Variants in MARCHF1 observed in about 807,000 individuals in gnomAD.
MARCHF1 encodes the protein E3 ubiquitin-protein ligase MARCHF1.
A neutral mutation model predicts 54.2 loss-of-function variants in MARCHF1; 40 were observed. The observed-to-expected ratio is 0.74, with a 90% CI of 0.57 to 0.96. The LOEUF (loss-of-function observed/expected upper bound fraction) is 0.96. Among genes scored for constraint, MARCHF1 ranks in the 40% least tolerant of loss-of-function variants. The probability of loss-of-function intolerance (pLI) is 0.00; values close to 1 mark genes in which losing one functional copy is unlikely to be tolerated. For missense variants in MARCHF1, 586 were observed against 656.5 expected (o/e 0.89, Z 1.17); for synonymous variants, 236 against 236.3 (o/e 1.00, Z 0.01).
intron 2 of MARCHF1, among the ~76,000 whole-genome samples, chr4:164,100,904 C>T (rs1007160645): frequency 9.2e-5 from 14 of 152,230 alleles, no homozygotes; most frequent in East Asian, 1.9e-4. Flanking sequence ...AGTGGGTGCG[C>T]GCACAGTGCG....
At chr4:163,949,463 C>T (rs963427011) in intron 3 of MARCHF1, among the ~76,000 whole-genome samples, 2 of 152,196 alleles carry the variant, frequency 1.3e-5, no homozygotes, top group Admixed American at 6.5e-5. Flanking sequence ...TTCTCGTCAT[C>T]CACAATGTGG....
intron 1 of MARCHF1, among the ~76,000 whole-genome samples, chr4:164,121,689 C>T (rs1350545019): frequency 6.6e-6 from 1 of 151,950 alleles, no homozygotes; most frequent in Non-Finnish European, 1.5e-5. Flanking sequence ...GTAACAAGAT[C>T]AAAACTCTAG....
chr4:164,243,157 A>G (rs1253015694), intron 1 of MARCHF1, among the ~76,000 whole-genome samples: 1 of 130,562 alleles, frequency 7.7e-6, no homozygotes, highest in Non-Finnish European at 1.6e-5. Context: ...GAGAAGAGCA[A>G]CTCCAAGACA....
chr4:163,583,652 G>GTTTTTTTTTTTTTTTTTTTTTT (rs11350711), intron 8 of MARCHF1: 1 of 123,826 alleles, frequency 8.1e-6, no homozygotes, highest in African/African-American at 3.1e-5. Flanking sequence ...TTTTTTGTGT[G>GTTTTTTTTTTTTTTTTTTTTTT]TTTTTTTTTT....
At chr4:163,775,444 G>A (rs985488834) in intron 4 of MARCHF1, among the ~76,000 whole-genome samples, 2 of 152,074 alleles carry the variant, frequency 1.3e-5, no homozygotes, top group Admixed American at 1.3e-4. Context: ...TTAGAACAAA[G>A]CCTATCATGT....
chr4:163,731,972 T>G (rs953922698), intron 4 of MARCHF1, among the ~76,000 whole-genome samples: 1 of 152,142 alleles, frequency 6.6e-6, no homozygotes, highest in Non-Finnish European at 1.5e-5. Context: ...CAACAACATT[T>G]TTAGGAATAG....
At chr4:163,959,285 G>C (rs1218396783) in intron 3 of MARCHF1, among the ~76,000 whole-genome samples, 4 of 150,654 alleles carry the variant, frequency 2.7e-5, no homozygotes, top group Non-Finnish European at 5.9e-5. Flanking sequence ...AACCAAAAAA[G>C]AGCCCAAATA....
chr4:164,013,435 G>A (rs781579720), intron 2 of MARCHF1, among the ~76,000 whole-genome samples: 25 of 152,104 alleles, frequency 1.6e-4, no homozygotes, highest in African/African-American at 4.6e-4. Flanking sequence ...AAATATAGGC[G>A]TTATTGGCCT....
At chr4:163,609,031 A>T (rs1354358448) in intron 7 of MARCHF1, among the ~76,000 whole-genome samples, 3 of 152,012 alleles carry the variant, frequency 2.0e-5, no homozygotes, top group Admixed American at 1.3e-4. Flanking sequence ...GTCCTTCCTG[A>T]CCTTGAATAG....
chr4:164,345,573 C>CATAATAATAATAATAATAATA (rs5863679), intron 1 of MARCHF1, among the ~76,000 whole-genome samples: 1 of 143,390 alleles, frequency 7.0e-6, no homozygotes, highest in African/African-American at 2.6e-5. Flanking sequence ...CTGTCTCAAA[C>CATAATAATAATAATAATAATA]ATAATAATAA....
At chr4:164,345,343 G>A (rs1387105090) in intron 1 of MARCHF1, among the ~76,000 whole-genome samples, 2 of 152,044 alleles carry the variant, frequency 1.3e-5, no homozygotes, top group Admixed American at 1.3e-4. Context: ...AAGGCCAAAG[G>A]ATCACTTGAG....
At chr4:164,247,724 C>A (rs1483534319) in intron 1 of MARCHF1, among the ~76,000 whole-genome samples, 1 of 150,600 alleles carries the variant, frequency 6.6e-6, no homozygotes, top group African/African-American at 2.4e-5. Flanking sequence ...TATTATGTCG[C>A]TGTTTTTTCA....
intron 3 of MARCHF1, among the ~76,000 whole-genome samples, chr4:163,856,941 G>A (rs2111178037): frequency 6.6e-6 from 1 of 152,000 alleles, no homozygotes; most frequent in East Asian, 1.9e-4. Context: ...CTTGAACCTG[G>A]GAGGTGGAGG....
chr4:163,905,841 G>A (rs7667231), intron 3 of MARCHF1, among the ~76,000 whole-genome samples: 108,781 of 151,806 alleles, frequency 0.72, 39,214 homozygotes, highest in Middle Eastern at 0.82. Flanking sequence ...ATGGCTGAAT[G>A]TACTTCTCCC....
At chr4:164,156,226 C>T (rs1315340663) in intron 1 of MARCHF1, among the ~76,000 whole-genome samples, 2 of 152,058 alleles carry the variant, frequency 1.3e-5, no homozygotes, top group Non-Finnish European at 2.9e-5. Context: ...TTTTCTCGCA[C>T]AAAACTATTG....
intron 5 of MARCHF1, among the ~76,000 whole-genome samples, chr4:163,652,376 C>T (rs1742998254): frequency 6.6e-6 from 1 of 151,816 alleles, no homozygotes; most frequent in African/African-American, 2.4e-5. Context: ...ATCTACGATT[C>T]TCCCTGTATT....
intron 2 of MARCHF1, among the ~76,000 whole-genome samples, chr4:164,088,120 A>G (rs114287494): frequency 5.3e-5 from 8 of 152,288 alleles, no homozygotes; most frequent in South Asian, 2.1e-4. Flanking sequence ...GAAAACGACA[A>G]TATAGTGAAA....
intron 5 of MARCHF1, among the ~76,000 whole-genome samples, chr4:163,653,647 C>A (rs1743045935): frequency 6.6e-6 from 1 of 151,470 alleles, no homozygotes; most frequent in South Asian, 2.1e-4. Context: ...GTTTGAATGT[C>A]AGATAGGAGA....
In MARCHF1 at chr4:163,524,921, T is replaced by A. The variant is rs918822425; in HGVS notation, c.*3827A>T. Reference sequence around the variant, plus strand: ...TTTCCTTCTTTGTTTTAATGCAGTATCCAGTTTCAAAATGGGCTTTCTTTA... The same window carrying A: ...TTTCCTTCTTTGTTTTAATGCAGTAACCAGTTTCAAAATGGGCTTTCTTTA... On this transcript the variant is annotated 3_prime_UTR_variant, in exon 10 of 10. Coordinates refer to ENST00000514618, the MANE Select transcript of MARCHF1 (RefSeq NM_001394959.1). 7 of 152,200 alleles carry A rather than the reference T, an allele frequency of 4.6e-5. No homozygotes were observed. The highest frequency in any genetic ancestry group is 1.7e-4 in the African/African-American group (7 of 41,448). 9.4% of individuals were successfully genotyped at this position (152,200 alleles called of 1,614,324 possible).
Sources: gnomAD v4.1 joint callset for allele counts (sites outside exome capture counted in the v4.1 genomes callset) on GRCh38, gnomAD v4.1.1 for gene constraint, MANE v1.5 for transcripts, NCBI Gene and HGNC (gene_info 2026-07-23, HGNC 2026-07-21) for gene names.